CTNND2: variants seen among roughly 807,000 people sequenced by gnomAD.
CTNND2 encodes the protein catenin delta-2.
Under a neutral mutation model 144.4 loss-of-function variants are expected in CTNND2, and 22 were observed. That is an observed-to-expected ratio of 0.15 (90% confidence interval 0.11 to 0.22). The LOEUF is 0.22. Among genes scored for constraint, CTNND2 ranks in the 10% least tolerant of loss-of-function variants. The pLI is 1.00. For synonymous variants in CTNND2, 751 were observed against 695.6 expected (o/e 1.08, Z -1.25); for missense variants, 1,353 against 1,618.8 (o/e 0.84, Z 2.82).
chr5:11,741,024 T>C (rs1229457615), intron 1 of CTNND2, among the ~76,000 whole-genome samples: 16 of 152,126 alleles, frequency 1.1e-4, no homozygotes, highest in Admixed American at 1.0e-3. Context: ...TGAGATACCA[T>C]CTCATGCCAG....
chr5:11,322,421 T>C (rs927230281), intron 9 of CTNND2, among the ~76,000 whole-genome samples: 4 of 152,330 alleles, frequency 2.6e-5, no homozygotes, highest in South Asian at 2.1e-4. Flanking sequence ...CATAGTTGCA[T>C]AATAATATTA....
At chr5:11,004,082 C>T (rs1455944908) in intron 18 of CTNND2, among the ~76,000 whole-genome samples, 1 of 152,078 alleles carries the variant, frequency 6.6e-6, no homozygotes, top group African/African-American at 2.4e-5. Context: ...GAAAGTATAC[C>T]ATTGTTAACC....
chr5:11,823,647 C>T (rs977659450), intron 1 of CTNND2, among the ~76,000 whole-genome samples: 3 of 152,028 alleles, frequency 2.0e-5, no homozygotes, highest in Non-Finnish European at 4.4e-5. Context: ...GCAATGTTCT[C>T]ACATTAGTAA....
intron 2 of CTNND2, among the ~76,000 whole-genome samples, chr5:11,679,681 C>T (rs1415716206): frequency 6.6e-6 from 1 of 152,176 alleles, no homozygotes; most frequent in Non-Finnish European, 1.5e-5. Flanking sequence ...TTTCTGCACC[C>T]AAATATGTTA....
At chr5:11,303,429 C>T (rs1749817841) in intron 9 of CTNND2, among the ~76,000 whole-genome samples, 1 of 152,182 alleles carries the variant, frequency 6.6e-6, no homozygotes, top group Non-Finnish European at 1.5e-5. Flanking sequence ...GTAAGTCACC[C>T]ATTGGCTTTG....
At chr5:11,320,426 G>T (rs1012176) in intron 9 of CTNND2, among the ~76,000 whole-genome samples, 36,077 of 152,068 alleles carry the variant, frequency 0.24, 4,391 homozygotes, top group East Asian at 0.37. Flanking sequence ...TGAGAAAATA[G>T]TACAGCATAC....
chr5:11,073,107 A>C (rs1748527324), intron 16 of CTNND2, among the ~76,000 whole-genome samples: 1 of 152,258 alleles, frequency 6.6e-6, no homozygotes, highest in South Asian at 2.1e-4. Context: ...TTAAACGTTT[A>C]AACTCATTTC....
chr5:11,139,898 A>G (rs1756548725), intron 12 of CTNND2, among the ~76,000 whole-genome samples: 1 of 152,132 alleles, frequency 6.6e-6, no homozygotes, highest in African/African-American at 2.4e-5. Flanking sequence ...CAGCTTCTAC[A>G]TGCACATCTT....
chr5:11,701,031 C>T (rs1785409452), intron 2 of CTNND2, among the ~76,000 whole-genome samples: 1 of 152,174 alleles, frequency 6.6e-6, no homozygotes, highest in Non-Finnish European at 1.5e-5. Flanking sequence ...AACAGATGCT[C>T]ACTTTGGTTA....
intron 3 of CTNND2, among the ~76,000 whole-genome samples, chr5:11,445,768 A>G (rs1181548785): frequency 6.6e-6 from 1 of 152,264 alleles, no homozygotes; most frequent in African/African-American, 2.4e-5. Context: ...AGTAGTGAGT[A>G]TTCTACATCA....
At chr5:11,703,505 G>T (rs1785548014) in intron 2 of CTNND2, among the ~76,000 whole-genome samples, 1 of 152,198 alleles carries the variant, frequency 6.6e-6, no homozygotes, top group African/African-American at 2.4e-5. Flanking sequence ...AATCTCCATT[G>T]CTGCTGCAGA....
chr5:11,858,291 G>A (rs1194080197), intron 1 of CTNND2, among the ~76,000 whole-genome samples: 1 of 152,174 alleles, frequency 6.6e-6, no homozygotes, highest in African/African-American at 2.4e-5. Context: ...CCTTATAAAT[G>A]ATGTCAGTAT....
intron 2 of CTNND2, among the ~76,000 whole-genome samples, chr5:11,623,993 G>A (rs1302879550): frequency 1.3e-5 from 2 of 151,346 alleles, no homozygotes; most frequent in Non-Finnish European, 3.0e-5. Context: ...CAGAAATGTA[G>A]CAAAGATATT....
intron 1 of CTNND2, among the ~76,000 whole-genome samples, chr5:11,849,627 G>T (rs142746927): frequency 6.0e-4 from 91 of 152,280 alleles, no homozygotes; most frequent in African/African-American, 2.1e-3. Flanking sequence ...CCCTTAACTG[G>T]AAAGGTAGGT....
intron 3 of CTNND2, among the ~76,000 whole-genome samples, chr5:11,562,069 T>C (rs1013705929): frequency 1.3e-5 from 2 of 151,782 alleles, no homozygotes; most frequent in African/African-American, 4.8e-5. Flanking sequence ...GAGAGAGAGA[T>C]CTTGGGAATC....
intron 20 of CTNND2, among the ~76,000 whole-genome samples, chr5:10,984,910 C>T (rs1299929716): frequency 6.6e-6 from 1 of 151,904 alleles, no homozygotes; most frequent in Admixed American, 6.6e-5. Flanking sequence ...CCTGTCTCTA[C>T]TAAAAATATA....
intron 16 of CTNND2, among the ~76,000 whole-genome samples, chr5:11,073,410 C>T (rs1203478984): frequency 2.0e-5 from 3 of 152,168 alleles, no homozygotes; most frequent in African/African-American, 7.2e-5. Flanking sequence ...AAAGTTAGGT[C>T]GGCTCTCCGT....
chr5:11,612,928 T>A (rs566058084), intron 2 of CTNND2, among the ~76,000 whole-genome samples: 2 of 152,194 alleles, frequency 1.3e-5, no homozygotes, highest in South Asian at 4.2e-4. Context: ...AAATAAAATA[T>A]AAAAACACAG....
intron 2 of CTNND2, among the ~76,000 whole-genome samples, chr5:11,682,059 T>A (rs1353593346): frequency 6.6e-6 from 1 of 152,204 alleles, no homozygotes; most frequent in Non-Finnish European, 1.5e-5. Flanking sequence ...GGTAACTGAC[T>A]GGGAGCAGCA....
Sources: gnomAD v4.1 joint callset for allele counts (sites outside exome capture counted in the v4.1 genomes callset) on GRCh38, gnomAD v4.1.1 for gene constraint, MANE v1.5 for transcripts, NCBI Gene and HGNC (gene_info 2026-07-23, HGNC 2026-07-21) for gene names.